The following ZRANB3 variants were observed in gnomAD, a reference collection of about 807,000 sequenced individuals.
The protein encoded by ZRANB3 is zinc finger RANBP2-type containing 3.
Under a neutral mutation model 133.8 loss-of-function variants are expected in ZRANB3, and 125 were observed. The observed-to-expected ratio is 0.93, with a 90% confidence interval of 0.81 to 1.08. The LOEUF is 1.08. Ranked by LOEUF, ZRANB3 falls within the 50% of genes least tolerant of loss-of-function variation. The pLI, the probability that ZRANB3 is intolerant of heterozygous loss-of-function variation, is 0.00. For missense variants in ZRANB3, 1,229 were observed against 1,275.5 expected (o/e 0.96, Z 0.56); for synonymous variants, 387 against 432.7 (o/e 0.89, Z 1.31).
intron 2 of ZRANB3, among the ~76,000 whole-genome samples, chr2:135,396,339 A>AT (rs1036356669): frequency 3.1e-4 from 47 of 151,866 alleles, no homozygotes; most frequent in African/African-American, 1.1e-3. Context: ...GGAAATTAGT[A>AT]TATCAAAGAG....
chr2:135,424,386 A>G (rs192606335), intron 2 of ZRANB3, among the ~76,000 whole-genome samples: 1 of 152,264 alleles, frequency 6.6e-6, no homozygotes, highest in East Asian at 1.9e-4. Flanking sequence ...AGAAAGAAAG[A>G]AAACAAAATA....
Position 135,317,584 on chromosome 2 carries a change from C to T in ZRANB3, c.678-2054G>A, listed in dbSNP as rs141861237. On this transcript the variant is annotated intron_variant, in intron 6 of 20. Transcript: ENST00000264159. ...TCTTCAAACAGGCTAACCACATAGG[C>T]CACACTTGCCTCCTGCAGAGTACCA... 3.9e-5 allele frequency among the ~76,000 whole-genome samples: 6 copies of T among 152,294 alleles called. No individual in the cohort carries two copies. In the East Asian group the frequency reaches 9.7e-4, roughly 25 times the overall value.
intron 8 of ZRANB3, among the ~76,000 whole-genome samples, chr2:135,295,835 G>T (rs1207501508): frequency 3.3e-5 from 5 of 152,140 alleles, no homozygotes; most frequent in Non-Finnish European, 7.3e-5. Context: ...CTTCACTTAT[G>T]AAGCTCAGTT....
At chr2:135,298,366 G>C (rs1682260779) in intron 8 of ZRANB3, among the ~76,000 whole-genome samples, 1 of 152,160 alleles carries the variant, frequency 6.6e-6, no homozygotes, top group African/African-American at 2.4e-5. Flanking sequence ...GTGAGCTAGT[G>C]TGATCTTTTG....
intron 3 of ZRANB3, among the ~76,000 whole-genome samples, chr2:135,366,972 G>C (rs1459439593): frequency 6.6e-6 from 1 of 152,094 alleles, no homozygotes; most frequent in African/African-American, 2.4e-5. Context: ...AGTGAGCAGA[G>C]ATCATGCCAT....
intron 2 of ZRANB3, among the ~76,000 whole-genome samples, chr2:135,443,521 T>C (rs1477065379): frequency 1.3e-5 from 2 of 151,910 alleles, no homozygotes; most frequent in Non-Finnish European, 2.9e-5. Context: ...ACCTCAGAAC[T>C]TAAAGTATTT....
chr2:135,348,970 AT>A (rs1685071296), intron 5 of ZRANB3, among the ~76,000 whole-genome samples: 3 of 152,208 alleles, frequency 2.0e-5, no homozygotes, highest in Admixed American at 2.0e-4. Flanking sequence ...CATCACCCCT[AT>A]TATTCATTGA....
At chr2:135,382,214 G>A (rs909563359) in intron 3 of ZRANB3, among the ~76,000 whole-genome samples, 11 of 152,156 alleles carry the variant, frequency 7.2e-5, no homozygotes, top group African/African-American at 2.7e-4. Flanking sequence ...TTCATTAGCC[G>A]ATTCGATCAA....
intron 8 of ZRANB3, among the ~76,000 whole-genome samples, chr2:135,301,752 G>A (rs377130994): frequency 6.6e-6 from 1 of 152,186 alleles, no homozygotes. Context: ...CTCAAGACTG[G>A]GCCAGGTATC....
chr2:135,530,884 T>G (rs1314829551), intron 1 of ZRANB3, among the ~76,000 whole-genome samples: 1 of 152,068 alleles, frequency 6.6e-6, no homozygotes, highest in Non-Finnish European at 1.5e-5. Context: ...GGAGAAGTTA[T>G]GAGTAGGGGA....
intron 12 of ZRANB3, among the ~76,000 whole-genome samples, chr2:135,246,200 G>A (rs1158157070): frequency 1.3e-5 from 2 of 151,252 alleles, no homozygotes; most frequent in African/African-American, 4.9e-5. Context: ...CACAGTGCCT[G>A]GCCATCCTTG....
At chr2:135,314,134 G>T (rs993514682) in intron 7 of ZRANB3, among the ~76,000 whole-genome samples, 5 of 152,156 alleles carry the variant, frequency 3.3e-5, no homozygotes, top group African/African-American at 1.2e-4. Flanking sequence ...AAAGTGCTGG[G>T]ACTACAGGCG....
chr2:135,227,716 A>G (rs1694807219), intron 14 of ZRANB3, 96 bp downstream of exon 14: 11 of 1,252,830 alleles, frequency 8.8e-6, no homozygotes, highest in Non-Finnish European at 1.2e-5. Flanking sequence ...AGTAAAAGGA[A>G]CCTGGAACAA....
At chr2:135,278,602 A>G (rs1040019096) in intron 8 of ZRANB3, among the ~76,000 whole-genome samples, 1 of 152,184 alleles carries the variant, frequency 6.6e-6, no homozygotes, top group African/African-American at 2.4e-5. Flanking sequence ...TAAGAAGATG[A>G]GATTAATACA....
chr2:135,372,179 AAAAG>A (rs1686211726), intron 3 of ZRANB3, among the ~76,000 whole-genome samples: 1 of 151,852 alleles, frequency 6.6e-6, no homozygotes, highest in African/African-American at 2.4e-5. Context: ...AAAAAAAAAA[AAAAG>A]AGACACAGAG....
At chr2:135,208,567 C>T (rs1436714525) in intron 18 of ZRANB3, among the ~76,000 whole-genome samples, 1 of 152,222 alleles carries the variant, frequency 6.6e-6, no homozygotes, top group African/African-American at 2.4e-5. Flanking sequence ...AATTATGGAG[C>T]TCAAGATTCG....
intron 2 of ZRANB3, among the ~76,000 whole-genome samples, chr2:135,472,491 C>T (rs113956752): frequency 0.05 from 6,627 of 133,546 alleles, 503 homozygotes; most frequent in African/African-American, 0.17. Flanking sequence ...CAGCGAGACT[C>T]GGTCTCAAAA....
chr2:135,374,750 C>T (rs1358485883), intron 3 of ZRANB3, among the ~76,000 whole-genome samples: 1 of 152,106 alleles, frequency 6.6e-6, no homozygotes, highest in Admixed American at 6.5e-5. Flanking sequence ...GATCTGGCCG[C>T]CTTGGCCTCC....
intron 2 of ZRANB3, among the ~76,000 whole-genome samples, chr2:135,451,454 T>C (rs1265178707): frequency 6.6e-6 from 1 of 151,702 alleles, no homozygotes; most frequent in Non-Finnish European, 1.5e-5. Flanking sequence ...CCCAGCTACT[T>C]GGGAGGCTGA....
Sources: allele counts gnomAD v4.1 joint callset (sites outside exome capture counted in the v4.1 genomes callset), GRCh38; gene constraint gnomAD v4.1.1; transcripts MANE v1.5; gene names NCBI Gene and HGNC (gene_info 2026-07-23, HGNC 2026-07-21).